CAPS2: variants seen among roughly 807,000 people sequenced by gnomAD.
The protein encoded by CAPS2 is calcyphosin-2.
CAPS2 carries 98 observed loss-of-function variants against 86.5 expected under a neutral mutation model. That is an observed-to-expected ratio of 1.13 (90% CI 0.96 to 1.34). The LOEUF is 1.34. Among genes scored for constraint, CAPS2 ranks in the 40% most tolerant of loss-of-function variants. The probability of loss-of-function intolerance (pLI) is 0.00; values close to 1 mark genes in which losing one functional copy is unlikely to be tolerated. For synonymous variants in CAPS2, 210 were observed against 225.1 expected, an observed-to-expected ratio of 0.93 and a Z score of 0.60; for missense variants, 729 against 686.8, an observed-to-expected ratio of 1.06 and a Z score of -0.69.
chr12:75,367,615 TTTA>T (rs2044066791), intron 1 of CAPS2, among the ~76,000 whole-genome samples: 1 of 152,094 alleles, frequency 6.6e-6, no homozygotes, highest in East Asian at 1.9e-4. Flanking sequence ...GATAATTGAT[TTTA>T]TTGCCTTAAA....
chr12:75,276,229 T>A (rs768983049), downstream of CAPS2: 21 of 1,544,712 alleles, frequency 1.4e-5, no homozygotes, highest in East Asian at 5.2e-4. Flanking sequence ...CATTTTCATG[T>A]TTGTCCTTGC....
chr12:75,322,413 C>A (rs558688654), intron 4 of CAPS2, among the ~76,000 whole-genome samples: 3 of 152,206 alleles, frequency 2.0e-5, no homozygotes, highest in African/African-American at 7.2e-5. Flanking sequence ...CATGTCTAAC[C>A]CACAGGAGAA....
intron 1 of CAPS2, among the ~76,000 whole-genome samples, chr12:75,354,166 A>AGGGC (rs2042992866): frequency 8.1e-6 from 1 of 122,834 alleles, no homozygotes; most frequent in African/African-American, 3.3e-5. Flanking sequence ...GAGAAAAAAA[A>AGGGC]GGGGGGGGGG....
chr12:75,374,818 G>A (rs1483366037), intron 1 of CAPS2, among the ~76,000 whole-genome samples: 2 of 152,150 alleles, frequency 1.3e-5, no homozygotes, highest in Non-Finnish European at 2.9e-5. Flanking sequence ...TGCATACCAG[G>A]TACCAGGATA....
exon 6 of CAPS2, chr12:75,316,413 T>C: frequency 2.6e-6 from 4 of 1,550,062 alleles, no homozygotes; most frequent in South Asian, 1.2e-5. Flanking sequence ...TCATCTGTGT[T>C]GGCTTCTTCA....
intron 1 of CAPS2, among the ~76,000 whole-genome samples, chr12:75,346,413 C>T (rs1002027318): frequency 2.0e-5 from 3 of 150,836 alleles, no homozygotes; most frequent in East Asian, 1.9e-4. Context: ...TTTTTTGAGA[C>T]GGAGTCTCGC....
At chr12:75,310,464 G>A (rs530620688) in intron 7 of CAPS2, among the ~76,000 whole-genome samples, 13 of 152,172 alleles carry the variant, frequency 8.5e-5, no homozygotes, top group Non-Finnish European at 1.5e-4. Flanking sequence ...AGACAGGAAT[G>A]GAACCTGGTA....
chr12:75,327,143 T>G (rs529174272), upstream of CAPS2, among the ~76,000 whole-genome samples: 3 of 152,316 alleles, frequency 2.0e-5, no homozygotes, highest in Non-Finnish European at 4.4e-5. Context: ...TTTAAACCAC[T>G]AAGTTTAAAT....
intron 1 of CAPS2, among the ~76,000 whole-genome samples, chr12:75,363,534 G>A (rs1418737441): frequency 1.3e-5 from 2 of 152,120 alleles, no homozygotes; most frequent in African/African-American, 2.4e-5. Flanking sequence ...GACCCATTCA[G>A]AAGTAATTTG....
chr12:75,327,325 G>T (rs1261266834), upstream of CAPS2, among the ~76,000 whole-genome samples: 1 of 152,184 alleles, frequency 6.6e-6, no homozygotes, highest in East Asian at 1.9e-4. Flanking sequence ...CTAGAACAAA[G>T]AATAAAATGG....
intron 9 of CAPS2, among the ~76,000 whole-genome samples, chr12:75,299,596 T>TA (rs957876426): frequency 7.2e-5 from 11 of 152,128 alleles, no homozygotes; most frequent in South Asian, 2.1e-4. Context: ...TGTTACTTTT[T>TA]AAAAAATATT....
chr12:75,299,751 A>G, intron 9 of CAPS2, 86 bp downstream of exon 9: 1 of 615,000 alleles, frequency 1.6e-6, no homozygotes, highest in Non-Finnish European at 2.8e-6. Flanking sequence ...ACAAACCTAT[A>G]TAATCTCATT....
At chr12:75,291,480 CATATATATAT>C (rs556770226) in intron 13 of CAPS2, among the ~76,000 whole-genome samples, 1,841 of 18,564 alleles carry the variant, frequency 0.099, 69 homozygotes, top group African/African-American at 0.12. Flanking sequence ...ACAATAAAAG[CATATATATAT>C]ATATATATAT....
chr12:75,304,331 A>G (rs925279232), intron 8 of CAPS2, among the ~76,000 whole-genome samples: 5 of 152,248 alleles, frequency 3.3e-5, no homozygotes, highest in African/African-American at 1.2e-4. Context: ...AGTGGACAGC[A>G]TCAGAGGATT....
chr12:75,306,082 G>C, intron 7 of CAPS2: 3 of 1,466,302 alleles, frequency 2.0e-6, no homozygotes, highest in Non-Finnish European at 2.8e-6. Context: ...CGCGTCCTGG[G>C]GCTGCGGCCC....
chr12:75,287,533 T>G lies in CAPS2; in HGVS notation c.1395+2088A>C, dbSNP rs1332432146. Among the ~76,000 whole-genome samples, 3 of 152,234 alleles carry G rather than the reference T, an allele frequency of 2.0e-5. No homozygotes were observed. The East Asian group carries it at 5.8e-4, about 29-fold the overall frequency. ...GTCCAATCACATTTCTACACAGTTA[T>G]GCATGTATCAGTCATGTCTATCCAA... On this transcript the variant is annotated intron_variant, in intron 14 of 16. Transcript: ENST00000393284.
intron 7 of CAPS2, chr12:75,305,789 G>T (rs2038400871): frequency 1.4e-5 from 10 of 730,830 alleles, no homozygotes; most frequent in South Asian, 1.2e-4. Context: ...GAAGGATGTC[G>T]TCGGCAGCTA....
intron 1 of CAPS2, among the ~76,000 whole-genome samples, chr12:75,357,995 A>G (rs1319347502): frequency 6.6e-6 from 1 of 151,578 alleles, no homozygotes; most frequent in African/African-American, 2.4e-5. Context: ...AGTAATAACA[A>G]AAATAAAAGC....
upstream of CAPS2, among the ~76,000 whole-genome samples, chr12:75,328,295 A>C (rs903723355): frequency 6.6e-6 from 1 of 152,170 alleles, no homozygotes; most frequent in African/African-American, 2.4e-5. Flanking sequence ...TTTTCTCCAC[A>C]CATCAGTCTC....
Sources: gnomAD v4.1 joint callset for allele counts (sites outside exome capture counted in the v4.1 genomes callset) on GRCh38, gnomAD v4.1.1 for gene constraint, MANE v1.5 for transcripts, NCBI Gene and HGNC (gene_info 2026-07-23, HGNC 2026-07-21) for gene names.